Variants in CCDC12 observed in about 807,000 individuals in gnomAD.
The protein encoded by CCDC12 is coiled-coil domain-containing protein 12.
CCDC12 carries 28 observed loss-of-function variants against 25.7 expected under a neutral mutation model. That is an observed-to-expected ratio of 1.09 (90% CI 0.81 to 1.50). CCDC12 has a LOEUF of 1.50. Ranked by LOEUF, CCDC12 falls within the 40% of genes most tolerant of loss-of-function variation. The pLI, the probability that CCDC12 is intolerant of heterozygous loss-of-function variation, is 0.00. For missense variants in CCDC12, 198 were observed against 210.0 expected, an observed-to-expected ratio of 0.94 and a Z score of 0.35; for synonymous variants, 75 against 87.7, an observed-to-expected ratio of 0.86 and a Z score of 0.81.
At chr3:46,940,603 G>A in intron 2 of CCDC12, 1 of 197,438 alleles carries the variant, frequency 5.1e-6, no homozygotes, top group East Asian at 1.3e-4. Context: ...AAGGGCTCTG[G>A]CTAGAGGGAA....
intron 1 of CCDC12, among the ~76,000 whole-genome samples, chr3:46,965,144 G>C (rs2034601875): frequency 6.6e-6 from 1 of 151,932 alleles, no homozygotes; most frequent in Admixed American, 6.6e-5. Flanking sequence ...CAGGAGACAG[G>C]AGAAAAAAAC....
At chr3:46,967,486 G>T (rs1374785151) in intron 1 of CCDC12, among the ~76,000 whole-genome samples, 1 of 152,018 alleles carries the variant, frequency 6.6e-6, no homozygotes, top group African/African-American at 2.4e-5. Flanking sequence ...GCTCAGCTTG[G>T]AATGCTCTTC....
At chr3:46,935,797 C>G (rs889249538) in intron 2 of CCDC12, among the ~76,000 whole-genome samples, 2 of 152,158 alleles carry the variant, frequency 1.3e-5, no homozygotes, top group Non-Finnish European at 2.9e-5. Flanking sequence ...CACTCCCACC[C>G]AATGGGGATT....
intron 1 of CCDC12, among the ~76,000 whole-genome samples, chr3:46,963,351 T>A (rs2034519374): frequency 6.6e-6 from 1 of 152,100 alleles, no homozygotes; most frequent in Non-Finnish European, 1.5e-5. Flanking sequence ...AAAGAAAAAC[T>A]TAAGCCCACT....
upstream of CCDC12, among the ~76,000 whole-genome samples, chr3:46,981,335 G>A (rs549330199): frequency 6.3e-4 from 96 of 152,248 alleles, no homozygotes; most frequent in African/African-American, 1.9e-3. Context: ...CCAGCTACTC[G>A]GGAGGCTGAG....
chr3:46,930,031 C>CAA (rs145507739), intron 2 of CCDC12, among the ~76,000 whole-genome samples: 575 of 39,696 alleles, frequency 0.014, 38 homozygotes, highest in African/African-American at 0.028. Flanking sequence ...GACCCCATCT[C>CAA]AAAAAAAAAA....
At position 46,923,638 on chromosome 3, in the gene CCDC12, G is replaced by A; in HGVS notation, c.275C>T (p.Ala92Val). ...VEEKVKEQLE[A>V]AKPEPVIEEV... ...CTCGATGACGGGCTCGGGCTTGGCGGCCTCCAGCTGCTCCTTCACCTTCTC... is the reference window on the plus strand; with the variant it reads ...CTCGATGACGGGCTCGGGCTTGGCGACCTCCAGCTGCTCCTTCACCTTCTC... The change falls in exon 4 of 7, where the codon GCC becomes GTC. Residue 92 changes from alanine to valine, a missense_variant. Transcript: ENST00000683445. The A allele has an allele frequency of 1.9e-6, 3 of 1,579,398 alleles. No homozygotes were observed. Among genetic ancestry groups the A allele is most frequent in the Non-Finnish European group, 2.6e-6 (3 of 1,162,012 alleles).
intron 1 of CCDC12, among the ~76,000 whole-genome samples, chr3:46,962,319 A>T (rs2034487183): frequency 6.6e-6 from 1 of 150,750 alleles, no homozygotes; most frequent in Non-Finnish European, 1.5e-5. Flanking sequence ...CTGTAATCCC[A>T]GCTATTCAGG....
At chr3:46,923,786 C>G (rs2032815763) in intron 3 of CCDC12, 118 bp from the exon 4 acceptor site, 4 of 820,786 alleles carry the variant, frequency 4.9e-6, no homozygotes, top group Non-Finnish European at 7.0e-6. Flanking sequence ...GCTCCCACCT[C>G]TGTGTGGCCC....
intron 1 of CCDC12, among the ~76,000 whole-genome samples, chr3:46,956,562 C>T (rs2034293037): frequency 6.6e-6 from 1 of 152,210 alleles, no homozygotes; most frequent in South Asian, 2.1e-4. Context: ...TAGCTCACGC[C>T]TGTAATCCCA....
chr3:46,922,267 C>CT lies in CCDC12; in HGVS notation c.386dup (p.Arg130AlafsTer12). On this transcript the variant is annotated frameshift_variant, in exon 6 of 7. Transcript: ENST00000683445. LOFTEE classifies it high-confidence loss of function. ...GCTCGGCAATGGCCCTCTGAGTCCG[C>CT]TTTTTTAGTTTCTCCAGCTTCTTGG... 1 of 1,614,276 alleles carries CT rather than the reference C, an allele frequency of 6.2e-7. No individual in the cohort carries two copies. The highest frequency in any genetic ancestry group is 1.1e-5 in the South Asian group (1 of 91,090).
At chr3:46,945,099 T>C (rs1176115899) in intron 1 of CCDC12, among the ~76,000 whole-genome samples, 1 of 152,226 alleles carries the variant, frequency 6.6e-6, no homozygotes, top group East Asian at 1.9e-4. Flanking sequence ...GGTCTGACCG[T>C]AGGCCCAGGG....
chr3:46,967,717 C>A (rs911045508), intron 1 of CCDC12, among the ~76,000 whole-genome samples: 1 of 152,166 alleles, frequency 6.6e-6, no homozygotes, highest in African/African-American at 2.4e-5. Context: ...ATAGCTGTAT[C>A]CCCAGGGCCT....
At chr3:46,961,500 C>T (rs1046400518) in intron 1 of CCDC12, among the ~76,000 whole-genome samples, 6 of 152,164 alleles carry the variant, frequency 3.9e-5, no homozygotes, top group African/African-American at 1.4e-4. Flanking sequence ...CACTGGAGGG[C>T]CTGGCTCAGC....
At chr3:46,976,216 A>C in intron 1 of CCDC12, 1 of 686,108 alleles carries the variant, frequency 1.5e-6, no homozygotes, top group East Asian at 1.1e-4. Flanking sequence ...CTGTCCAAGG[A>C]GTGCTGCCGG....
chr3:46,955,771 G>A (rs1466692654), intron 1 of CCDC12, among the ~76,000 whole-genome samples: 1 of 152,228 alleles, frequency 6.6e-6, no homozygotes, highest in African/African-American at 2.4e-5. Flanking sequence ...AAACAAGCTG[G>A]ATGTGAGTTA....
chr3:46,980,019 CGCGCGCGCGG>C (rs11277723), upstream of CCDC12: 148,686 of 157,770 alleles, frequency 0.94, 70,636 homozygotes, highest in South Asian at 1. Context: ...GCCGCGTAGC[CGCGCGCGCGG>C]GCGCGCGCGC....
chr3:46,976,336 C>G, intron 1 of CCDC12: 1 of 1,298,824 alleles, frequency 7.7e-7, no homozygotes, highest in African/African-American at 1.5e-5. Flanking sequence ...AACCTACAGG[C>G]AGCCCTAGAT....
At chr3:46,952,595 A>G (rs1402774836) in intron 1 of CCDC12, among the ~76,000 whole-genome samples, 1 of 152,218 alleles carries the variant, frequency 6.6e-6, no homozygotes, top group East Asian at 1.9e-4. Flanking sequence ...ACTAGGTTCC[A>G]TAAAATTGGA....
Sources: gnomAD v4.1 joint callset for allele counts (sites outside exome capture counted in the v4.1 genomes callset) on GRCh38, gnomAD v4.1.1 for gene constraint, MANE v1.5 for transcripts, NCBI Gene and HGNC (gene_info 2026-07-23, HGNC 2026-07-21) for gene names.